RNPEP: variants seen among roughly 807,000 people sequenced by gnomAD.
RNPEP encodes aminopeptidase B.
In RNPEP, 57 loss-of-function variants were observed where a neutral mutation model predicts 70.1. The observed-to-expected ratio is 0.81, with a 90% CI of 0.66 to 1.01. RNPEP has a LOEUF of 1.01. Ranked by LOEUF, RNPEP falls within the 50% of genes least tolerant of loss-of-function variation. The pLI is 0.00. For missense variants in RNPEP, 787 were observed against 852.4 expected (o/e 0.92, Z 0.96); for synonymous variants, 335 against 357.4 (o/e 0.94, Z 0.71).
intron 9 of RNPEP, among the ~76,000 whole-genome samples, chr1:202,004,146 T>TC (rs1300376961): frequency 6.6e-6 from 1 of 152,126 alleles, no homozygotes; most frequent in Non-Finnish European, 1.5e-5. Context: ...CACCTCAGCC[T>TC]CCAAGTAGCT....
chr1:202,005,467 A>G (rs1684019654), intron 10 of RNPEP, 91 bp from the exon 11 acceptor site: 8 of 1,450,784 alleles, frequency 5.5e-6, no homozygotes, highest in Non-Finnish European at 7.6e-6. Context: ...GCACCTAGCC[A>G]TGGCTGCTGT....
intron 1 of RNPEP, chr1:201,983,925 C>T (rs1428054709): frequency 3.2e-6 from 3 of 927,366 alleles, no homozygotes; most frequent in African/African-American, 1.8e-5. Flanking sequence ...TGCTTGCTTA[C>T]AGTTTAATCT....
intron 8 of RNPEP, 58 bp from the exon 9 acceptor site, chr1:202,003,179 C>T: frequency 1.5e-6 from 2 of 1,350,676 alleles, no homozygotes; most frequent in Non-Finnish European, 2.1e-6. Context: ...GTTGCTTAAA[C>T]CAGTTGACCG....
intron 6 of RNPEP, 31 bp from the exon 7 acceptor site, chr1:202,001,345 C>A: frequency 6.7e-7 from 1 of 1,496,938 alleles, no homozygotes; most frequent in Non-Finnish European, 9.3e-7. Flanking sequence ...GCTACAAAAG[C>A]TCAAATCTTG....
Position 201,982,659 on chromosome 1 carries a change from C to A in RNPEP, c.-8C>A. 1 of 1,333,818 alleles carries A rather than the reference C, an allele frequency of 7.5e-7. No homozygotes were observed. The highest frequency in any genetic ancestry group is 1.9e-5 in the South Asian group (1 of 52,370). 82.6% of individuals were successfully genotyped at this position (1,333,818 alleles called of 1,614,324 possible). A position where few individuals can be genotyped will look rare whatever the true frequency, so the allele number is the denominator to read the frequency against. ...GCGGCCCGGCCGGTGAGCAACGGCT[C>A]TGCGGCCATGGCGAGCGGCGAGCAT... On this transcript the variant is annotated 5_prime_UTR_variant, in exon 1 of 11. It adds an upstream start codon to the 5' untranslated region. Transcript: ENST00000295640.
At chr1:201,998,227 G>A (rs1441067843) in intron 5 of RNPEP, among the ~76,000 whole-genome samples, 1 of 121,064 alleles carries the variant, frequency 8.3e-6, no homozygotes, top group African/African-American at 3.1e-5. Flanking sequence ...TTCTGGGTCT[G>A]AACTTTTTTT....
chr1:201,997,192 C>G, intron 4 of RNPEP, 127 bp from the exon 5 acceptor site: 1 of 729,374 alleles, frequency 1.4e-6, no homozygotes, highest in South Asian at 1.7e-5. Flanking sequence ...GCACTGGGCC[C>G]GAAGTCGTAC....
chr1:201,984,831 T>TTC (rs1558258034), intron 1 of RNPEP, among the ~76,000 whole-genome samples: 680 of 13,510 alleles, frequency 0.05, 37 homozygotes, highest in Non-Finnish European at 0.1. Context: ...CTTTTTTTTT[T>TTC]TTTTTTTTTT....
At chr1:201,983,603 C>T (rs1309177337) in intron 1 of RNPEP, 6 of 1,275,978 alleles carry the variant, frequency 4.7e-6, no homozygotes, top group South Asian at 2.6e-5. Flanking sequence ...TCTGTGTTGC[C>T]TTCTAGTTCC....
At chr1:201,991,482 A>T (rs925427756) in intron 3 of RNPEP, among the ~76,000 whole-genome samples, 1 of 152,184 alleles carries the variant, frequency 6.6e-6, no homozygotes, top group Non-Finnish European at 1.5e-5. Context: ...TTACTGCAAG[A>T]GGAAAATCCT....
At position 202,006,058 on chromosome 1, in the gene RNPEP, C is replaced by A; in HGVS notation, c.*342C>A. ...TTTTCTCTTTCTGTCCTTTTTCTTGCTGATTTTATGCAAAGGGCTGGCATT... is the reference window on the plus strand; with the variant it reads ...TTTTCTCTTTCTGTCCTTTTTCTTGATGATTTTATGCAAAGGGCTGGCATT... On this transcript the variant is annotated 3_prime_UTR_variant, in exon 11 of 11. Transcript: ENST00000295640. The A allele has an allele frequency of 4.3e-6, 1 of 230,954 alleles. No homozygotes were observed. Among genetic ancestry groups the A allele is most frequent in the South Asian group, 1.2e-4 (1 of 8,066 alleles). The allele number at this position is 230,954 out of a possible 1,614,324, so 14.3% of individuals were successfully genotyped here.
intron 6 of RNPEP, 144 bp downstream of exon 6, chr1:202,000,159 C>A: frequency 1.6e-6 from 1 of 625,870 alleles, no homozygotes; most frequent in Admixed American, 2.9e-5. Context: ...GTAGCCAATT[C>A]TCTGGCCCCT....
At chr1:201,988,820 T>C (rs944236875) in intron 1 of RNPEP, 84 bp from the exon 2 acceptor site, 5 of 1,485,382 alleles carry the variant, frequency 3.4e-6, no homozygotes, top group African/African-American at 1.4e-5. Flanking sequence ...CCTAAAATTC[T>C]CTCATTCCAG....
At chr1:201,988,760 G>C in intron 1 of RNPEP, 144 bp from the exon 2 acceptor site, 1 of 939,166 alleles carries the variant, frequency 1.1e-6, no homozygotes, top group Non-Finnish European at 1.6e-6. Flanking sequence ...ACAGAGGAGA[G>C]AGCTTTCTAG....
Position 202,001,678 on chromosome 1 carries a change from A to T in RNPEP, c.1337A>T (p.Lys446Ile), listed in dbSNP as rs942577660. The T allele has an allele frequency of 3.7e-6, 6 of 1,613,628 alleles. No homozygotes were observed. Among genetic ancestry groups the T allele is most frequent in the Middle Eastern group, 1.6e-4 (1 of 6,062 alleles). Residue 446 changes from lysine to isoleucine, a missense_variant, in exon 8 of 11, where the codon AAA becomes ATA. Coordinates refer to ENST00000295640, the MANE Select transcript of RNPEP (RefSeq NM_020216.4). ...SFLKAYVHEF[K>I]FRSILADDFL... ...TCACAGGCCTATGTGCATGAATTCA[A>T]ATTCCGAAGCATCTTAGCCGATGAC...
At chr1:201,983,888 G>C in intron 1 of RNPEP, 1 of 993,248 alleles carries the variant, frequency 1.0e-6, no homozygotes, top group Non-Finnish European at 1.2e-6. Context: ...CTCTCAGGTA[G>C]AGTTGGTTGC....
chr1:201,997,421 G>A lies in RNPEP; in HGVS notation c.957G>A (p.Leu319=), dbSNP rs1378878312. The change falls in exon 5 of 11, where the codon TTG becomes TTA. Residue 319 remains leucine (L), a synonymous_variant. Coordinates refer to ENST00000295640, the MANE Select transcript of RNPEP (RefSeq NM_020216.4). ...TPCLLAGDRS[L]ADVIIHEISH... ...GCCTGCTAGCTGGGGACCGCTCCTT[G>A]GCAGATGTCATCATCCATGAGATCT... 1.9e-6 allele frequency: 3 copies of A among 1,613,974 alleles called. No individual in the cohort carries two copies. The South Asian group carries it at 3.3e-5, about 18-fold the overall frequency.
chr1:201,989,667 T>C, intron 3 of RNPEP, 136 bp downstream of exon 3: 2 of 836,862 alleles, frequency 2.4e-6, no homozygotes, highest in Non-Finnish European at 3.8e-6. Flanking sequence ...CTGCAGCTCA[T>C]GCAGCATGAG....
chr1:202,004,780 G>A (rs951626888), intron 10 of RNPEP, among the ~76,000 whole-genome samples: 4 of 152,256 alleles, frequency 2.6e-5, no homozygotes, highest in Non-Finnish European at 5.9e-5. Context: ...GGGAAAGAGG[G>A]TGACAGTGTC....
Sources: allele counts gnomAD v4.1 joint callset (sites outside exome capture counted in the v4.1 genomes callset), GRCh38; gene constraint gnomAD v4.1.1; transcripts MANE v1.5; gene names NCBI Gene and HGNC (gene_info 2026-07-23, HGNC 2026-07-21).